CD163L1: variants seen among roughly 807,000 people sequenced by gnomAD.
The protein encoded by CD163L1 is scavenger receptor cysteine-rich type 1 protein M160.
CD163L1 carries 124 observed loss-of-function variants against 165.4 expected under a neutral mutation model. The ratio of observed to expected loss-of-function variants is 0.75; its 90% CI spans 0.65 to 0.87. CD163L1 has a LOEUF of 0.87. CD163L1 is among the 40% of genes least tolerant of loss of function. The pLI, the probability that CD163L1 is intolerant of heterozygous loss-of-function variation, is 0.00. For synonymous variants in CD163L1, 585 were observed against 662.2 expected (o/e 0.88, Z 1.79); for missense variants, 1,525 against 1,799.9 (o/e 0.85, Z 2.76).
the CD163L1 span, among the ~76,000 whole-genome samples, chr12:7,332,578 T>G: frequency 6.6e-6 from 1 of 152,162 alleles, no homozygotes; most frequent in South Asian, 2.1e-4. Context: ...GACTAACAGC[T>G]GATCTCTCAG....
In CD163L1 at chr12:7,406,805, T is replaced by A. The variant is rs374451931; in HGVS notation, c.814A>T (p.Met272Leu). ...TGGATTTTCAGCTCTACTCTCCCCA[T>A]ACAGCGGTTAGTTCCACCTACAAGC... ...LRLVGGTNRC[M>L]GRVELKIQGR... Residue 272 changes from methionine to leucine, a missense_variant, in exon 5 of 20, where the codon ATG becomes TTG. Met to Leu is a conservative substitution (Grantham distance 15). Transcript: ENST00000313599. 3 of 1,613,918 alleles carry A rather than the reference T, an allele frequency of 1.9e-6. No individual in the cohort carries two copies. The highest frequency in any genetic ancestry group is 2.5e-6 in the Non-Finnish European group (3 of 1,179,968).
intron 4 of CD163L1, among the ~76,000 whole-genome samples, chr12:7,428,115 G>A: frequency 6.6e-6 from 1 of 151,984 alleles, no homozygotes; most frequent in Non-Finnish European, 1.5e-5. Flanking sequence ...TGAAAAATCT[G>A]TAACTGAAGC....
At chr12:7,330,967 C>A in the CD163L1 span, among the ~76,000 whole-genome samples, 1 of 152,128 alleles carries the variant, frequency 6.6e-6, no homozygotes, top group East Asian at 1.9e-4. Flanking sequence ...GCACCGTGCA[C>A]GAGCTGAAGC....
chr12:7,443,949 C>A, intron 1 of CD163L1, 148 bp downstream of exon 1: 1 of 693,552 alleles, frequency 1.4e-6, no homozygotes, highest in Non-Finnish European at 2.3e-6. Context: ...ACTCTAAGTT[C>A]CACAAAACTT....
chr12:7,353,964 T>C (rs114627490), downstream of CD163L1, among the ~76,000 whole-genome samples: 246 of 152,156 alleles, frequency 1.6e-3, 1 homozygote, highest in African/African-American at 5.5e-3. Flanking sequence ...TGCAAACATA[T>C]TGCAAAGAGA....
intron 8 of CD163L1, among the ~76,000 whole-genome samples, chr12:7,389,556 G>C (rs1947601569): frequency 6.6e-6 from 1 of 151,834 alleles, no homozygotes; most frequent in Non-Finnish European, 1.5e-5. Context: ...AATGGTGAAT[G>C]TTTAAAAAAA....
intron 4 of CD163L1, among the ~76,000 whole-genome samples, chr12:7,428,016 A>G (rs1275756635): frequency 6.6e-6 from 1 of 152,118 alleles, no homozygotes; most frequent in African/African-American, 2.4e-5. Flanking sequence ...CTTTGTTTAT[A>G]TGTCATTCTA....
chr12:7,337,824 C>A, the CD163L1 span, among the ~76,000 whole-genome samples: 3,362 of 152,180 alleles, frequency 0.022, 332 homozygotes, highest in East Asian at 0.32. Context: ...TGGGTGTATA[C>A]CCAAAGGATT....
rs1948775251 is a variant in CD163L1 at position 7,438,878 on chromosome 12, G to T, written c.124+2276C>A. ...TATAGGCATAAGCTTCTCTAACTCT[G>T]CAGCACTTTTGCCTCTGTCTTGATT... On this transcript the variant is annotated intron_variant, in intron 2 of 19. Coordinates refer to ENST00000313599, the MANE Select transcript of CD163L1 (RefSeq NM_174941.6). 3 of 1,585,022 alleles carry T rather than the reference G, an allele frequency of 1.9e-6. No individual in the cohort carries two copies. The African/African-American group carries it at 4.0e-5, about 21-fold the overall frequency.
At chr12:7,342,966 C>A (rs76981006), downstream of CD163L1, among the ~76,000 whole-genome samples, 697 of 152,182 alleles carry the variant, frequency 4.6e-3, 29 homozygotes, top group East Asian at 0.094. Flanking sequence ...CAATTTATAC[C>A]TGTTTACCTG....
the CD163L1 span, among the ~76,000 whole-genome samples, chr12:7,335,443 T>C: frequency 6.6e-6 from 1 of 152,176 alleles, no homozygotes; most frequent in African/African-American, 2.4e-5. Context: ...TAGCCATATG[T>C]AGAAAGTTGA....
At chr12:7,324,625 G>T in the CD163L1 span, 3 of 1,607,034 alleles carry the variant, frequency 1.9e-6, no homozygotes, top group South Asian at 2.2e-5. Flanking sequence ...TATTAAAGAA[G>T]CAACATCATA....
the CD163L1 span, among the ~76,000 whole-genome samples, chr12:7,335,223 A>G: frequency 4.6e-5 from 7 of 152,182 alleles, no homozygotes; most frequent in Non-Finnish European, 7.4e-5. Context: ...GAGGCATCAC[A>G]CTACCTGACT....
At chr12:7,337,413 C>G in the CD163L1 span, among the ~76,000 whole-genome samples, 3 of 152,168 alleles carry the variant, frequency 2.0e-5, no homozygotes, top group Non-Finnish European at 4.4e-5. Context: ...TTTTTGCAAT[C>G]TATCCATCTG....
intron 18 of CD163L1, among the ~76,000 whole-genome samples, chr12:7,366,756 A>G (rs1426065165): frequency 6.6e-6 from 1 of 152,164 alleles, no homozygotes; most frequent in Non-Finnish European, 1.5e-5. Context: ...AGTTATTTCC[A>G]AAACAGATTG....
At chr12:7,406,006 CA>C (rs1948007847) in intron 5 of CD163L1, among the ~76,000 whole-genome samples, 1 of 152,022 alleles carries the variant, frequency 6.6e-6, no homozygotes, top group South Asian at 2.1e-4. Flanking sequence ...AACTAGAAAA[CA>C]AATGGCTGCA....
the CD163L1 span, chr12:7,328,304 A>G: frequency 1.9e-6 from 3 of 1,588,818 alleles, no homozygotes; most frequent in South Asian, 2.3e-5. Context: ...TTGTTCAAGA[A>G]CTCCCAAAGA....
the CD163L1 span, chr12:7,323,281 A>G: frequency 6.2e-7 from 1 of 1,611,554 alleles, no homozygotes; most frequent in Non-Finnish European, 8.5e-7. Context: ...AACCAGGTTC[A>G]ATGGGGAAAG....
At chr12:7,335,342 T>G in the CD163L1 span, among the ~76,000 whole-genome samples, 9 of 152,092 alleles carry the variant, frequency 5.9e-5, 1 homozygote, top group South Asian at 4.2e-4. Flanking sequence ...ATGCCACATA[T>G]CTACAACTAT....
Sources: gnomAD v4.1 joint callset for allele counts (sites outside exome capture counted in the v4.1 genomes callset) on GRCh38, gnomAD v4.1.1 for gene constraint, MANE v1.5 for transcripts, NCBI Gene and HGNC (gene_info 2026-07-23, HGNC 2026-07-21) for gene names.